PEAK1: variants seen among roughly 807,000 people sequenced by gnomAD.
PEAK1 encodes pseudopodium enriched atypical kinase 1.
PEAK1 carries 54 observed loss-of-function variants against 124.7 expected under a neutral mutation model. That is an observed-to-expected ratio of 0.43 (90% confidence interval 0.35 to 0.54). The LOEUF is 0.54. Ranked by LOEUF, PEAK1 falls within the 20% of genes least tolerant of loss-of-function variation. The pLI, the probability that PEAK1 is intolerant of heterozygous loss-of-function variation, is 0.01. For missense variants in PEAK1, 2,046 were observed against 2,134.5 expected (o/e 0.96, Z 0.82); for synonymous variants, 719 against 760.0 (o/e 0.95, Z 0.89).
intron 8 of PEAK1, 195 bp downstream of exon 8, chr15:77,158,308 T>A: frequency 1.7e-6 from 1 of 576,374 alleles, no homozygotes; most frequent in Non-Finnish European, 3.1e-6. Context: ...GGCACAGGGC[T>A]CATGGGTGCA....
chr15:77,223,886 A>ATTTTTTTTTT (rs10719377), intron 6 of PEAK1, among the ~76,000 whole-genome samples: 1 of 121,582 alleles, frequency 8.2e-6, no homozygotes, highest in Non-Finnish European at 1.7e-5. Flanking sequence ...CATTTGAGAG[A>ATTTTTTTTTT]TTTTTTTTTT....
At chr15:77,329,797 T>A (rs1302926796) in intron 2 of PEAK1, among the ~76,000 whole-genome samples, 1 of 152,140 alleles carries the variant, frequency 6.6e-6, no homozygotes, top group Non-Finnish European at 1.5e-5. Flanking sequence ...GGCATTGAAT[T>A]TATCAATATA....
chr15:77,200,022 C>T (rs2058286770), intron 6 of PEAK1, among the ~76,000 whole-genome samples: 1 of 152,146 alleles, frequency 6.6e-6, no homozygotes, highest in Admixed American at 6.5e-5. Flanking sequence ...AGACAAATTA[C>T]AATATATTTC....
intron 6 of PEAK1, among the ~76,000 whole-genome samples, chr15:77,230,232 A>C (rs4414462): frequency 0.66 from 99,225 of 151,264 alleles, 33,459 homozygotes; most frequent in Non-Finnish European, 0.75. Flanking sequence ...CGGAGTCTTG[A>C]TCTGTTGCCC....
intron 6 of PEAK1, among the ~76,000 whole-genome samples, chr15:77,232,469 T>C (rs1015941117): frequency 1.8e-4 from 27 of 152,166 alleles, no homozygotes; most frequent in Non-Finnish European, 1.9e-4. Context: ...GTTTCACCAA[T>C]CTTCTAGTCT....
At chr15:77,195,856 A>C (rs2152838976) in intron 6 of PEAK1, among the ~76,000 whole-genome samples, 1 of 152,352 alleles carries the variant, frequency 6.6e-6, no homozygotes, top group East Asian at 1.9e-4. Flanking sequence ...ATCCTGAGGA[A>C]GCCTCCCCTC....
At chr15:77,348,659 A>G (rs1047228414) in intron 2 of PEAK1, 1 of 985,296 alleles carries the variant, frequency 1.0e-6, no homozygotes, top group Non-Finnish European at 1.2e-6. Context: ...TTTCATGTAT[A>G]AGATCCAATT....
At chr15:77,153,488 C>T (rs1426522257) in intron 8 of PEAK1, among the ~76,000 whole-genome samples, 2 of 152,034 alleles carry the variant, frequency 1.3e-5, no homozygotes, top group African/African-American at 2.4e-5. Context: ...ATTTCCTTCA[C>T]TTCTGCTCTG....
chr15:77,253,886 T>C (rs1233240918), intron 5 of PEAK1, among the ~76,000 whole-genome samples: 1 of 152,214 alleles, frequency 6.6e-6, no homozygotes, highest in Non-Finnish European at 1.5e-5. Flanking sequence ...TGCCACGATA[T>C]TGGCTCACTG....
At chr15:77,404,837 G>C in intron 1 of PEAK1, 1 of 944,778 alleles carries the variant, frequency 1.1e-6, no homozygotes, top group South Asian at 4.9e-5. Context: ...ATGTAACTTA[G>C]CAATATGAAA....
chr15:77,411,684 C>A (rs2072427148), intron 1 of PEAK1, among the ~76,000 whole-genome samples: 1 of 152,140 alleles, frequency 6.6e-6, no homozygotes, highest in Non-Finnish European at 1.5e-5. Context: ...TAGCTCACTG[C>A]AGCCTTGAAC....
intron 6 of PEAK1, among the ~76,000 whole-genome samples, chr15:77,211,749 G>T (rs536437540): frequency 6.6e-6 from 1 of 150,682 alleles, no homozygotes; most frequent in East Asian, 2.0e-4. Context: ...TCAGGAGGCT[G>T]AGGCAGGAGA....
In PEAK1 at chr15:77,109,990, T is replaced by C. The variant is rs2050891685; in HGVS notation, c.*4166A>G. ...AGAAGAAATCCTAATTGCAGTCAAATCTAGCGAAAACCCTAATTCCAGCAA... is the reference window on the plus strand; with the variant it reads ...AGAAGAAATCCTAATTGCAGTCAAACCTAGCGAAAACCCTAATTCCAGCAA... On this transcript the variant is annotated 3_prime_UTR_variant, in exon 10 of 10. Coordinates refer to ENST00000682557, the MANE Select transcript of PEAK1 (RefSeq NM_001385026.1). 1.3e-5 allele frequency: 2 copies of C among 152,240 alleles called. No homozygotes were observed. Among genetic ancestry groups the C allele is most frequent in the Non-Finnish European group, 2.9e-5 (2 of 68,044 alleles). The allele number at this position is 152,240 out of a possible 1,614,324, so 9.4% of individuals were successfully genotyped here.
Position 77,360,780 on chromosome 15 carries a change from TATAA to T in PEAK1, c.-603+4379_-603+4382del, listed in dbSNP as rs570264659. On this transcript the variant is annotated intron_variant, in intron 2 of 9. Transcript: ENST00000682557. ...AAATATACATTTATATTATATGTAA[TATAA>T]ATAAACATATATATACAAATAACCT... Among the ~76,000 whole-genome samples, 291 of 151,812 alleles carry T rather than the reference TATAA, an allele frequency of 1.9e-3. 4 individuals are homozygous for T. The highest frequency in any genetic ancestry group is 0.017 in the Middle Eastern group (5 of 292).
At chr15:77,203,319 T>C (rs2058463702) in intron 6 of PEAK1, among the ~76,000 whole-genome samples, 1 of 152,066 alleles carries the variant, frequency 6.6e-6, no homozygotes, top group Non-Finnish European at 1.5e-5. Flanking sequence ...CAATAGTCAA[T>C]AAAACATAGA....
intron 7 of PEAK1, among the ~76,000 whole-genome samples, chr15:77,172,761 C>T (rs562494781): frequency 7.6e-4 from 115 of 152,074 alleles, no homozygotes; most frequent in Non-Finnish European, 1.2e-3. Context: ...ACTTCATCAC[C>T]AAGGGAATTC....
chr15:77,345,266 C>T (rs2066802135), intron 2 of PEAK1, among the ~76,000 whole-genome samples: 1 of 152,068 alleles, frequency 6.6e-6, no homozygotes, highest in Non-Finnish European at 1.5e-5. Flanking sequence ...AAATCTTGTC[C>T]AAGGTTTTTT....
intron 2 of PEAK1, chr15:77,334,638 A>AT (rs2066085265): frequency 1.0e-6 from 1 of 985,100 alleles, no homozygotes; most frequent in Non-Finnish European, 1.2e-6. Flanking sequence ...AAATATTTTC[A>AT]TATTTTTATT....
At chr15:77,373,390 G>GTC (rs1173070167) in intron 1 of PEAK1, among the ~76,000 whole-genome samples, 1 of 152,062 alleles carries the variant, frequency 6.6e-6, no homozygotes, top group Non-Finnish European at 1.5e-5. Flanking sequence ...TATCATAACT[G>GTC]TCTCTTATGG....
Sources: gnomAD v4.1 joint callset for allele counts (sites outside exome capture counted in the v4.1 genomes callset) on GRCh38, gnomAD v4.1.1 for gene constraint, MANE v1.5 for transcripts, NCBI Gene and HGNC (gene_info 2026-07-23, HGNC 2026-07-21) for gene names.